The following WSCD2 variants were observed in gnomAD, a reference collection of about 807,000 sequenced individuals.
The protein encoded by WSCD2 is WSC domain sialate O sulfotransferase 2.
WSCD2 carries 28 observed loss-of-function variants against 55.7 expected under a neutral mutation model. The observed-to-expected ratio is 0.50, with a 90% CI of 0.37 to 0.69. The LOEUF (loss-of-function observed/expected upper bound fraction) is 0.69, where lower values mean the gene tolerates loss of function less well. WSCD2 is among the 30% of genes least tolerant of loss of function. The pLI, the probability that WSCD2 is intolerant of heterozygous loss-of-function variation, is 0.00. For synonymous variants in WSCD2, 301 were observed against 301.9 expected (o/e 1.00, Z 0.03); for missense variants, 616 against 762.1 (o/e 0.81, Z 2.26).
intron 1 of WSCD2, among the ~76,000 whole-genome samples, chr12:108,145,003 G>T (rs1322579771): frequency 6.6e-6 from 1 of 152,178 alleles, no homozygotes. Context: ...GTTTACATTT[G>T]CACTGGCTGC....
intron 2 of WSCD2, among the ~76,000 whole-genome samples, chr12:108,201,977 T>G (rs923805386): frequency 2.0e-4 from 30 of 152,198 alleles, no homozygotes; most frequent in African/African-American, 7.2e-4. Context: ...TGATAGATTG[T>G]GTGAACTTGG....
chr12:108,201,128 CA>C (rs1235973877), intron 2 of WSCD2, among the ~76,000 whole-genome samples: 1 of 152,312 alleles, frequency 6.6e-6, no homozygotes, highest in East Asian at 1.9e-4. Flanking sequence ...GTGGCTTGAA[CA>C]ACAGATATCT....
intron 1 of WSCD2, among the ~76,000 whole-genome samples, chr12:108,135,774 G>A (rs2136861856): frequency 6.6e-6 from 1 of 152,330 alleles, no homozygotes; most frequent in African/African-American, 2.4e-5. Flanking sequence ...TAGAATAGAG[G>A]CCAACAAACT....
At chr12:108,180,194 T>C (rs950440902) in intron 1 of WSCD2, among the ~76,000 whole-genome samples, 5 of 152,138 alleles carry the variant, frequency 3.3e-5, no homozygotes, top group Admixed American at 6.5e-5. Flanking sequence ...AAAATAAGAT[T>C]GTCATTTTCC....
chr12:108,224,679 T>G, intron 4 of WSCD2, 60 bp from the exon 5 acceptor site: 1 of 1,564,164 alleles, frequency 6.4e-7, no homozygotes, highest in Non-Finnish European at 8.6e-7. Flanking sequence ...GAATGTGGTT[T>G]TCCCAACCAG....
intron 1 of WSCD2, chr12:108,189,644 A>G (rs1247184862): frequency 2.6e-5 from 4 of 152,252 alleles, no homozygotes; most frequent in Non-Finnish European, 4.4e-5. Context: ...GGAATGCTCA[A>G]ACTGTACTGG....
At chr12:108,194,171 A>G (rs1043290977) in intron 1 of WSCD2, among the ~76,000 whole-genome samples, 1 of 152,212 alleles carries the variant, frequency 6.6e-6, no homozygotes, top group African/African-American at 2.4e-5. Context: ...GCTCATTACC[A>G]TTATCTGAGA....
intron 1 of WSCD2, among the ~76,000 whole-genome samples, chr12:108,133,059 A>G (rs1231220154): frequency 6.6e-6 from 1 of 152,056 alleles, no homozygotes; most frequent in Admixed American, 6.5e-5. Context: ...CTGTGTATAC[A>G]TGTGTGTTTC....
intron 4 of WSCD2, among the ~76,000 whole-genome samples, chr12:108,212,303 G>A (rs921172142): frequency 4.6e-5 from 7 of 152,182 alleles, no homozygotes; most frequent in Non-Finnish European, 7.3e-5. Context: ...ACCATCTGAA[G>A]AGATGACCTG....
chr12:108,152,317 G>A (rs998977804), intron 1 of WSCD2, among the ~76,000 whole-genome samples: 2 of 152,226 alleles, frequency 1.3e-5, no homozygotes, highest in African/African-American at 4.8e-5. Context: ...TTCAGGCCAA[G>A]GCAAGGGTTC....
intron 4 of WSCD2, among the ~76,000 whole-genome samples, chr12:108,219,804 A>G (rs1206301308): frequency 1.3e-5 from 2 of 152,160 alleles, no homozygotes; most frequent in African/African-American, 4.8e-5. Context: ...AACCCCCAAA[A>G]TACTGTCTGT....
intron 1 of WSCD2, among the ~76,000 whole-genome samples, chr12:108,141,738 A>T (rs1876836665): frequency 6.6e-6 from 1 of 152,216 alleles, no homozygotes; most frequent in Non-Finnish European, 1.5e-5. Context: ...TCATAGTCAC[A>T]GGTTCCTGCT....
intron 2 of WSCD2, among the ~76,000 whole-genome samples, chr12:108,204,838 T>A (rs1305580460): frequency 3.3e-5 from 5 of 152,246 alleles, no homozygotes; most frequent in Non-Finnish European, 5.9e-5. Context: ...CTGCATTCTC[T>A]GCTAGATCCT....
intron 8 of WSCD2, chr12:108,244,480 A>G (rs1028801159): frequency 1.4e-6 from 1 of 702,730 alleles, no homozygotes; most frequent in Non-Finnish European, 2.6e-6. Flanking sequence ...GTGGACAATC[A>G]TAACACTAAC....
At chr12:108,245,343 G>A (rs1438994537) in intron 8 of WSCD2, among the ~76,000 whole-genome samples, 1 of 152,164 alleles carries the variant, frequency 6.6e-6, no homozygotes, top group Non-Finnish European at 1.5e-5. Context: ...CATGCATGCA[G>A]AGTGCCCCAC....
rs367674517 is a variant in WSCD2, at chr12:108,227,103, G to A, written c.918G>A (p.Ala306=). 5.6e-5 allele frequency: 91 copies of A among 1,614,198 alleles called. No individual in the cohort carries two copies. The highest frequency in any genetic ancestry group is 6.7e-5 in the East Asian group (3 of 44,888). The change falls in exon 6 of 9, where the codon GCG becomes GCA. Residue 306 remains alanine (A), a synonymous_variant. Transcript: ENST00000547525. ...AGCTCTGTGCCCAGAAGTGCAGCGCGGAGGAGTTTGAGAGCTGCGGGACTC... is the reference window on the plus strand; with the variant it reads ...AGCTCTGTGCCCAGAAGTGCAGCGCAGAGGAGTTTGAGAGCTGCGGGACTC... ...DEQLCAQKCS[A]EEFESCGTPS...
rs1886065727 is a variant in WSCD2 at position 108,210,916 on chromosome 12, T to C, written c.682+611T>C. Among the ~76,000 whole-genome samples the C allele has an allele frequency of 6.6e-6, 1 of 152,228 alleles. No homozygotes were observed. Among genetic ancestry groups the C allele is most frequent in the Non-Finnish European group, 1.5e-5 (1 of 68,038 alleles). On this transcript the variant is annotated intron_variant, in intron 4 of 8. Coordinates refer to ENST00000547525, the MANE Select transcript of WSCD2 (RefSeq NM_014653.4). This position sits in a 1 kb window ranked among gnomAD's most constrained non-coding sequence, Gnocchi z 4.3. ...TTTGAGTCTTGTTGGAAAATCTCTC[T>C]GATTTCCAAACCAACAGAAGGAGGG...
At chr12:108,140,184 C>T (rs1481070373) in intron 1 of WSCD2, among the ~76,000 whole-genome samples, 1 of 152,158 alleles carries the variant, frequency 6.6e-6, no homozygotes, top group Non-Finnish European at 1.5e-5. Context: ...AGCTGAGTGG[C>T]CTTGGGCTGT....
At chr12:108,244,838 CTAT>C (rs1479675925) in intron 8 of WSCD2, among the ~76,000 whole-genome samples, 4 of 152,010 alleles carry the variant, frequency 2.6e-5, no homozygotes, top group Admixed American at 2.6e-4. Flanking sequence ...ACCAGGTGCT[CTAT>C]TTTTTCTTTT....
Sources: gnomAD v4.1 joint callset for allele counts (sites outside exome capture counted in the v4.1 genomes callset) on GRCh38, gnomAD v4.1.1 for gene constraint, Gnocchi (gnomAD v3.1) non-coding constraint, MANE v1.5 for transcripts, NCBI Gene and HGNC (gene_info 2026-07-23, HGNC 2026-07-21) for gene names.